Variants in UBQLN1 observed in about 807,000 individuals in gnomAD.
UBQLN1 encodes ubiquilin 1.
UBQLN1 carries 13 observed loss-of-function variants against 65.4 expected under a neutral mutation model. That is an observed-to-expected ratio of 0.20 (90% CI 0.13 to 0.32). The LOEUF (loss-of-function observed/expected upper bound fraction) is 0.32, where lower values mean the gene tolerates loss of function less well. UBQLN1 is among the 10% of genes least tolerant of loss of function. UBQLN1 has a pLI of 1.00. For synonymous variants in UBQLN1, 267 were observed against 247.8 expected (o/e 1.08, Z -0.73); for missense variants, 561 against 724.0 (o/e 0.77, Z 2.58).
At chr9:83,706,183 G>A (rs1301737169) in intron 1 of UBQLN1, among the ~76,000 whole-genome samples, 1 of 152,184 alleles carries the variant, frequency 6.6e-6, no homozygotes, top group Non-Finnish European at 1.5e-5. Flanking sequence ...ATGCTGAAGT[G>A]ACATGTACTG....
intron 6 of UBQLN1, among the ~76,000 whole-genome samples, chr9:83,671,800 ACAGT>A (rs1831736324): frequency 1.3e-5 from 2 of 152,222 alleles, no homozygotes; most frequent in South Asian, 4.1e-4. Context: ...ATTAGCCCCA[ACAGT>A]CAGCCTTTCC....
chr9:83,663,781 T>C, intron 10 of UBQLN1, 94 bp downstream of exon 10: 2 of 1,366,498 alleles, frequency 1.5e-6, no homozygotes, highest in Non-Finnish European at 2.0e-6. Flanking sequence ...TAAGAACTAC[T>C]GCTTTCCTTT....
intron 1 of UBQLN1, among the ~76,000 whole-genome samples, chr9:83,694,701 G>C (rs1332377014): frequency 2.0e-5 from 3 of 152,050 alleles, no homozygotes; most frequent in Non-Finnish European, 4.4e-5. Flanking sequence ...TCCTTCTATT[G>C]CAAAAACTTA....
intron 6 of UBQLN1, 124 bp downstream of exon 6, chr9:83,677,602 AT>A: frequency 1.4e-6 from 1 of 700,236 alleles, no homozygotes; most frequent in Non-Finnish European, 2.2e-6. Flanking sequence ...AACATGAAAA[AT>A]ATAGTTTATA....
intron 3 of UBQLN1, among the ~76,000 whole-genome samples, chr9:83,680,404 G>A (rs1193502423): frequency 6.6e-6 from 1 of 152,018 alleles, no homozygotes; most frequent in African/African-American, 2.4e-5. Flanking sequence ...CTAATGAAGT[G>A]ACTTAGGCCC....
In UBQLN1 at chr9:83,707,548, C is replaced by A. The variant is rs752014592; in HGVS notation, c.132G>T (p.Pro44=). 1.7e-5 allele frequency: 27 copies of A among 1,611,360 alleles called. No individual in the cohort carries two copies. In the East Asian group the frequency reaches 2.9e-4, roughly 17 times the overall value. The change falls in exon 1 of 11, where the codon CCG becomes CCT. Residue 44 remains proline (P), a synonymous_variant. Coordinates refer to ENST00000376395, the MANE Select transcript of UBQLN1 (RefSeq NM_013438.5). ...GCACGGCGAATTCCTCCTTTTCCTT[C>A]GGGGTCTTCACGGTGACTTTCATGA... is the stretch of plus-strand genomic sequence containing the variant. ...PKIMKVTVKT[P]KEKEEFAVPE... is the part of the protein sequence containing the mutation.
rs1832442417 is a variant in UBQLN1, at chr9:83,707,755, C to T, written c.-76G>A. 1 of 1,475,636 alleles carries T rather than the reference C, an allele frequency of 6.8e-7. No individual in the cohort carries two copies. Among genetic ancestry groups the T allele is most frequent in the South Asian group, 1.3e-5 (1 of 76,364 alleles). The allele number at this position is 1,475,636 out of a possible 1,614,324, so 91.4% of individuals were successfully genotyped here. A position where few individuals can be genotyped will look rare whatever the true frequency, so the allele number is the denominator to read the frequency against. ...CGAGCAAGGAGGAGCCAGCAGACACCAGAGCCGGCAGGCCTGGACAGCGAA... is the reference window on the plus strand; with the variant it reads ...CGAGCAAGGAGGAGCCAGCAGACACTAGAGCCGGCAGGCCTGGACAGCGAA... On this transcript the variant is annotated 5_prime_UTR_variant, in exon 1 of 11. Coordinates refer to ENST00000376395, the MANE Select transcript of UBQLN1 (RefSeq NM_013438.5).
intron 9 of UBQLN1, among the ~76,000 whole-genome samples, chr9:83,664,294 C>T (rs190517657): frequency 2.0e-5 from 3 of 152,224 alleles, no homozygotes; most frequent in East Asian, 3.9e-4. Flanking sequence ...TGGTGCACAC[C>T]TGTAGTATCA....
rs1366505632 is a variant in UBQLN1 at position 83,680,166 on chromosome 9, CA to C, written c.449-130del. ...TCTATTACAAGAAATCATTTAAAAA[CA>C]AATCGAATACCTATTACTAATATTT... On this transcript the variant is annotated intron_variant, in intron 3 of 10. Transcript: ENST00000376395. 95 of 1,018,028 alleles carry C rather than the reference CA, an allele frequency of 9.3e-5. 1 individual carries two copies. The South Asian group carries it at 1.9e-3, about 20-fold the overall frequency. 63.1% of individuals were successfully genotyped at this position (1,018,028 alleles called of 1,614,324 possible).
At chr9:83,664,822 G>C (rs1444218366) in intron 9 of UBQLN1, among the ~76,000 whole-genome samples, 2 of 151,272 alleles carry the variant, frequency 1.3e-5, no homozygotes, top group Non-Finnish European at 1.5e-5. Flanking sequence ...GGGAGGCTGA[G>C]GTGAGAGAAT....
intron 6 of UBQLN1, among the ~76,000 whole-genome samples, chr9:83,673,546 TAAAAAAA>T (rs762494390): frequency 1.1e-4 from 8 of 75,548 alleles, no homozygotes; most frequent in East Asian, 9.5e-4. Flanking sequence ...CTCGGTCTTT[TAAAAAAA>T]AAAAAAAAAA....
In UBQLN1 at chr9:83,683,783, G is replaced by A. The variant is rs537053660; in HGVS notation, c.333-717C>T. Among the ~76,000 whole-genome samples the A allele has an allele frequency of 5.9e-5, 9 of 152,246 alleles. 1 individual carries two copies. In the South Asian group the frequency reaches 1.4e-3, roughly 25 times the overall value. On this transcript the variant is annotated intron_variant, in intron 2 of 10. Coordinates refer to ENST00000376395, the MANE Select transcript of UBQLN1 (RefSeq NM_013438.5). ...CACGCCTGTAATCCCAGCACTTTGCGAGGCCGAGGCAGGCGATCAACTGAG... is the reference window on the plus strand; with the variant it reads ...CACGCCTGTAATCCCAGCACTTTGCAAGGCCGAGGCAGGCGATCAACTGAG...
intron 1 of UBQLN1, among the ~76,000 whole-genome samples, chr9:83,698,535 G>A (rs1451462035): frequency 6.6e-6 from 1 of 152,146 alleles, no homozygotes; most frequent in African/African-American, 2.4e-5. Flanking sequence ...GCCAAAAGGT[G>A]GAAGCAACCC....
chr9:83,661,944 T>TA lies in UBQLN1; in HGVS notation c.1618-6dup. The TA allele has an allele frequency of 1.3e-6, 2 of 1,598,566 alleles. No homozygotes were observed. Among genetic ancestry groups the TA allele is most frequent in the Admixed American group, 1.8e-5 (1 of 55,800 alleles). On this transcript the variant is annotated splice_polypyrimidine_tract_variant and splice_region_variant and intron_variant, in intron 10 of 10. Coordinates refer to ENST00000376395, the MANE Select transcript of UBQLN1 (RefSeq NM_013438.5). Reference sequence around the variant, plus strand: ...TCTGACTTCTGGATTCTGTAGCTATTAAAGAAAAAAAAAATTAATCCAACT... The same window carrying TA: ...TCTGACTTCTGGATTCTGTAGCTATTAAAAGAAAAAAAAAATTAATCCAACT...
At chr9:83,703,955 C>G (rs1832354217) in intron 1 of UBQLN1, among the ~76,000 whole-genome samples, 1 of 152,156 alleles carries the variant, frequency 6.6e-6, no homozygotes, top group Non-Finnish European at 1.5e-5. Context: ...CTTATTACAG[C>G]ATGTTCATAT....
chr9:83,677,293 C>T (rs1473113939), intron 6 of UBQLN1, among the ~76,000 whole-genome samples: 5 of 152,126 alleles, frequency 3.3e-5, no homozygotes, highest in South Asian at 4.1e-4. Flanking sequence ...CCAGGTGCAG[C>T]GGCTCACACC....
At chr9:83,694,263 CTAAA>C (rs1170169429) in intron 1 of UBQLN1, among the ~76,000 whole-genome samples, 9 of 152,174 alleles carry the variant, frequency 5.9e-5, no homozygotes, top group African/African-American at 1.9e-4. Flanking sequence ...CAAGGATTCT[CTAAA>C]TAGTTATCTG....
chr9:83,682,289 A>AATATAT (rs71365321), intron 3 of UBQLN1, among the ~76,000 whole-genome samples: 1 of 149,906 alleles, frequency 6.7e-6, no homozygotes, highest in Non-Finnish European at 1.5e-5. Context: ...TGTCTCAAAA[A>AATATAT]ATATATATAT....
intron 1 of UBQLN1, among the ~76,000 whole-genome samples, chr9:83,706,279 G>T (rs1414181772): frequency 1.3e-5 from 2 of 152,140 alleles, no homozygotes; most frequent in Non-Finnish European, 2.9e-5. Context: ...ACCGTAAAAT[G>T]CTAATTGTAG....
Sources: gnomAD v4.1 joint callset for allele counts (sites outside exome capture counted in the v4.1 genomes callset) on GRCh38, gnomAD v4.1.1 for gene constraint, MANE v1.5 for transcripts, NCBI Gene and HGNC (gene_info 2026-07-23, HGNC 2026-07-21) for gene names.